The following ZNF804B variants were observed in gnomAD, a reference collection of about 807,000 sequenced individuals.
ZNF804B encodes zinc finger protein 804B.
A neutral mutation model predicts 101.4 loss-of-function variants in ZNF804B; 80 were observed. The observed-to-expected ratio is 0.79, with a 90% CI of 0.66 to 0.95. The LOEUF (loss-of-function observed/expected upper bound fraction) is 0.95. ZNF804B is among the 40% of genes least tolerant of loss of function. The probability of loss-of-function intolerance (pLI) is 0.00; values close to 1 mark genes in which losing one functional copy is unlikely to be tolerated. For synonymous variants in ZNF804B, 622 were observed against 558.8 expected (o/e 1.11, Z -1.59); for missense variants, 1,673 against 1,561.9 (o/e 1.07, Z -1.20).
At chr7:89,210,567 G>A (rs559364400) in intron 1 of ZNF804B, among the ~76,000 whole-genome samples, 1 of 152,174 alleles carries the variant, frequency 6.6e-6, no homozygotes, top group African/African-American at 2.4e-5. Context: ...TCATCATTCA[G>A]CTCCCACTTA....
intron 2 of ZNF804B, among the ~76,000 whole-genome samples, chr7:89,309,315 G>C (rs1387650993): frequency 2.6e-5 from 4 of 152,124 alleles, no homozygotes; most frequent in African/African-American, 9.7e-5. Flanking sequence ...TTGCTGCAAA[G>C]GGCGTGATTT....
intron 1 of ZNF804B, among the ~76,000 whole-genome samples, chr7:89,005,894 G>T (rs1196059688): frequency 6.6e-6 from 1 of 151,978 alleles, no homozygotes. Flanking sequence ...AACATAAGTG[G>T]CAGTTCTCTA....
chr7:89,006,631 A>G (rs1255043718), intron 1 of ZNF804B, among the ~76,000 whole-genome samples: 2 of 152,076 alleles, frequency 1.3e-5, no homozygotes, highest in Non-Finnish European at 2.9e-5. Flanking sequence ...CCATGGCCAT[A>G]TTAAAGTTTT....
chr7:88,863,090 T>A (rs1238477830), intron 1 of ZNF804B, among the ~76,000 whole-genome samples: 1 of 152,200 alleles, frequency 6.6e-6, no homozygotes, highest in Non-Finnish European at 1.5e-5. Flanking sequence ...TAGCTTCATC[T>A]TGTACTACTG....
chr7:89,253,486 A>T (rs961002423), intron 2 of ZNF804B, among the ~76,000 whole-genome samples: 6 of 152,168 alleles, frequency 3.9e-5, no homozygotes, highest in Non-Finnish European at 7.4e-5. Context: ...ATATATATGA[A>T]ATGAATACAT....
At chr7:88,899,772 T>C (rs1197052558) in intron 1 of ZNF804B, among the ~76,000 whole-genome samples, 3 of 152,162 alleles carry the variant, frequency 2.0e-5, no homozygotes. Flanking sequence ...CATCCTCAGA[T>C]ACCCATATCT....
intron 2 of ZNF804B, among the ~76,000 whole-genome samples, chr7:89,280,444 C>T (rs1314871134): frequency 6.6e-6 from 1 of 151,820 alleles, no homozygotes; most frequent in African/African-American, 2.4e-5. Flanking sequence ...CACAAAAAAC[C>T]CTTCAAAAAA....
intron 1 of ZNF804B, among the ~76,000 whole-genome samples, chr7:89,151,262 T>C (rs565299555): frequency 4.3e-4 from 66 of 152,196 alleles, no homozygotes; most frequent in Admixed American, 3.1e-3. Flanking sequence ...CATTGAACAT[T>C]TATCATTATT....
intron 2 of ZNF804B, among the ~76,000 whole-genome samples, chr7:89,268,812 T>A (rs544947371): frequency 6.6e-6 from 1 of 152,212 alleles, no homozygotes; most frequent in Admixed American, 6.5e-5. Context: ...CTGGAAGGGA[T>A]AAGCTTTCCT....
chr7:89,177,993 C>T (rs894854246), intron 1 of ZNF804B, among the ~76,000 whole-genome samples: 12 of 151,572 alleles, frequency 7.9e-5, no homozygotes, highest in African/African-American at 2.9e-4. Flanking sequence ...ACTATATCCT[C>T]TTGATGAATT....
chr7:89,181,573 G>A (rs1029541269), intron 1 of ZNF804B, among the ~76,000 whole-genome samples: 1 of 152,024 alleles, frequency 6.6e-6, no homozygotes, highest in African/African-American at 2.4e-5. Flanking sequence ...TGCGGAATGG[G>A]GGAGGGGTGG....
At chr7:89,115,679 G>T (rs1176751359) in intron 1 of ZNF804B, among the ~76,000 whole-genome samples, 1 of 152,090 alleles carries the variant, frequency 6.6e-6, no homozygotes, top group Non-Finnish European at 1.5e-5. Context: ...CTTGAAAACT[G>T]CTCTTATAGA....
At chr7:89,160,417 T>TAA (rs1791041370) in intron 1 of ZNF804B, among the ~76,000 whole-genome samples, 1 of 152,160 alleles carries the variant, frequency 6.6e-6, no homozygotes, top group Non-Finnish European at 1.5e-5. Flanking sequence ...TTCAAAACCT[T>TAA]ATGTATACTT....
intron 1 of ZNF804B, among the ~76,000 whole-genome samples, chr7:89,094,628 C>G (rs931751077): frequency 1.3e-5 from 2 of 151,964 alleles, no homozygotes; most frequent in Admixed American, 1.3e-4. Context: ...AACTCTTCTC[C>G]TTTGCTACAG....
At chr7:89,084,832 TTTTG>T (rs1475671945) in intron 1 of ZNF804B, among the ~76,000 whole-genome samples, 1 of 151,982 alleles carries the variant, frequency 6.6e-6, no homozygotes, top group African/African-American at 2.4e-5. Context: ...TTTTTCACAT[TTTTG>T]TTCTATTCGG....
chr7:89,089,058 T>C (rs1443787014), intron 1 of ZNF804B, among the ~76,000 whole-genome samples: 33 of 135,988 alleles, frequency 2.4e-4, no homozygotes, highest in African/African-American at 8.5e-4. Flanking sequence ...TTTTTTTTTC[T>C]TTTTTTTTTT....
intron 1 of ZNF804B, among the ~76,000 whole-genome samples, chr7:89,200,638 A>C (rs1220393769): frequency 6.6e-6 from 1 of 151,994 alleles, no homozygotes; most frequent in Non-Finnish European, 1.5e-5. Context: ...ATCATGAACA[A>C]TCTTAGAAGA....
At chr7:89,130,089 G>C (rs528429499) in intron 1 of ZNF804B, among the ~76,000 whole-genome samples, 1 of 152,046 alleles carries the variant, frequency 6.6e-6, no homozygotes, top group African/African-American at 2.4e-5. Flanking sequence ...GTTATACAGA[G>C]ATTAGTGTCA....
At chr7:88,880,745 T>C (rs1191131665) in intron 1 of ZNF804B, among the ~76,000 whole-genome samples, 3 of 152,080 alleles carry the variant, frequency 2.0e-5, no homozygotes, top group African/African-American at 7.2e-5. Context: ...ATTTTTCTTA[T>C]GTGTAATTGA....
Sources: allele counts gnomAD v4.1 joint callset (sites outside exome capture counted in the v4.1 genomes callset), GRCh38; gene constraint gnomAD v4.1.1; transcripts MANE v1.5; gene names NCBI Gene and HGNC (gene_info 2026-07-23, HGNC 2026-07-21).